Variants in SYNE2 observed in about 807,000 individuals in gnomAD.
SYNE2 encodes the protein nesprin-2.
In SYNE2, 431 loss-of-function variants were observed where a neutral mutation model predicts 856.3. That is an observed-to-expected ratio of 0.50 (90% CI 0.47 to 0.55). The LOEUF is 0.55. Among genes scored for constraint, SYNE2 ranks in the 20% least tolerant of loss-of-function variants. The probability of loss-of-function intolerance (pLI) is 0.00; values close to 1 mark genes in which losing one functional copy is unlikely to be tolerated. For missense variants in SYNE2, 8,129 were observed against 8,023.2 expected, an observed-to-expected ratio of 1.01 and a Z score of -0.50; for synonymous variants, 2,923 against 2,872.3, an observed-to-expected ratio of 1.02 and a Z score of -0.56.
intron 1 of SYNE2, among the ~76,000 whole-genome samples, chr14:63,863,166 A>C (rs534961527): frequency 1.4e-4 from 21 of 152,288 alleles, no homozygotes; most frequent in Middle Eastern, 3.4e-3. Context: ...ATGTTGCCTC[A>C]TTTGGAAAGA....
At chr14:63,995,658 T>A (rs1946493860) in intron 23 of SYNE2, among the ~76,000 whole-genome samples, 1 of 152,202 alleles carries the variant, frequency 6.6e-6, no homozygotes, top group African/African-American at 2.4e-5. Flanking sequence ...TTTTTTCATT[T>A]CTTTTTAAGT....
In SYNE2 at chr14:64,051,633, T is replaced by A. The variant is rs759148677; in HGVS notation, c.7720T>A (p.Leu2574Ile). The A allele has an allele frequency of 2.2e-5, 35 of 1,614,010 alleles. No individual in the cohort carries two copies. The highest frequency in any genetic ancestry group is 1.7e-4 in the Admixed American group (10 of 59,982). The change falls in exon 48 of 116, where the codon TTA (leucine) becomes ATA (isoleucine). Residue 2574 changes from leucine (L) to isoleucine (I), a missense_variant. Transcript: ENST00000555002. ...IASIEKEKDSLGNLKIKWENL... is the reference protein window; with the variant it reads ...IASIEKEKDSIGNLKIKWENL... ...ATCCATAGAAAAAGAGAAAGATTCT[T>A]TAGGCAACTTGAAAATCAAATGGGA...
At chr14:63,911,354 C>T (rs966602819) in intron 2 of SYNE2, among the ~76,000 whole-genome samples, 4 of 152,140 alleles carry the variant, frequency 2.6e-5, no homozygotes, top group South Asian at 2.1e-4. Flanking sequence ...TCTGTTCTCC[C>T]GTAGTATCTC....
intron 87 of SYNE2, among the ~76,000 whole-genome samples, chr14:64,160,851 T>G (rs1028145654): frequency 4.6e-5 from 7 of 152,066 alleles, no homozygotes; most frequent in African/African-American, 9.7e-5. Flanking sequence ...GCCTTTTGAA[T>G]AAAACTGTAT....
intron 1 of SYNE2, among the ~76,000 whole-genome samples, chr14:63,825,534 C>T (rs8013634): frequency 6.6e-6 from 1 of 151,888 alleles, no homozygotes; most frequent in Admixed American, 6.6e-5. Flanking sequence ...AATAGATTTA[C>T]TGAAAGAAGT....
chr14:64,101,694 G>C (rs867238755), intron 63 of SYNE2, among the ~76,000 whole-genome samples: 1 of 152,154 alleles, frequency 6.6e-6, no homozygotes, highest in South Asian at 2.1e-4. Context: ...TGTGACGTGA[G>C]CCGAGCCCCT....
At position 64,125,129 on chromosome 14, in the gene SYNE2, A is replaced by G. The variant is rs886042596; in HGVS notation, c.13473A>G (p.Arg4491=). The G allele has an allele frequency of 6.2e-6, 10 of 1,614,214 alleles. No homozygotes were observed. The highest frequency in any genetic ancestry group is 8.5e-6 in the Non-Finnish European group (10 of 1,180,034). ...CCAGCGTGACTATGTATAACTTTAGATACCCAACAACTGAAGAACTGAAAA... is the reference window on the plus strand; with the variant it reads ...CCAGCGTGACTATGTATAACTTTAGGTACCCAACAACTGAAGAACTGAAAA... ...ILPSVTMYNF[R]YPTTEELKTY... is the part of the protein sequence containing the mutation. Residue 4491 remains arginine (R), a synonymous_variant, in exon 71 of 116, where the codon AGA becomes AGG. Coordinates refer to ENST00000555002, the MANE Select transcript of SYNE2 (RefSeq NM_182914.3).
chr14:63,825,508 G>A (rs1435446665), intron 1 of SYNE2, among the ~76,000 whole-genome samples: 2 of 152,020 alleles, frequency 1.3e-5, no homozygotes, highest in Non-Finnish European at 2.9e-5. Context: ...GCATCAAACA[G>A]AATAAACTAA....
At chr14:63,877,173 A>G (rs2094744254) in intron 1 of SYNE2, among the ~76,000 whole-genome samples, 2 of 152,224 alleles carry the variant, frequency 1.3e-5, no homozygotes, top group Non-Finnish European at 1.5e-5. Context: ...TTCCAGCCCT[A>G]TAAATAGATT....
rs531114109 is a variant in SYNE2, at chr14:64,088,929, C to T, written c.11671-645C>T. On this transcript the variant is annotated intron_variant, in intron 58 of 115. Transcript: ENST00000555002. ...TCTATAATGTTTGATGAAAATTACCCTAAAATACATTGTATAATTCTATAT... is the reference window on the plus strand; with the variant it reads ...TCTATAATGTTTGATGAAAATTACCTTAAAATACATTGTATAATTCTATAT... 8.4e-4 allele frequency among the ~76,000 whole-genome samples: 128 copies of T among 152,284 alleles called. 2 individuals carry two copies. In the South Asian group the frequency reaches 0.023, roughly 27 times the overall value.
intron 1 of SYNE2, among the ~76,000 whole-genome samples, chr14:63,872,080 G>A (rs759788046): frequency 5.0e-4 from 76 of 152,212 alleles, no homozygotes; most frequent in Middle Eastern, 3.4e-3. Context: ...GGGCCCGGCC[G>A]TGTCAAGTTG....
chr14:64,113,640 C>T (rs2097830492), intron 66 of SYNE2, 69 bp downstream of exon 66: 10 of 1,481,354 alleles, frequency 6.8e-6, no homozygotes, highest in African/African-American at 4.2e-5. Context: ...GGGTGAATTT[C>T]TCTTAAAGCA....
chr14:63,791,160 C>T (rs1217987622), intron 1 of SYNE2, among the ~76,000 whole-genome samples: 1 of 152,030 alleles, frequency 6.6e-6, no homozygotes, highest in Admixed American at 6.6e-5. Flanking sequence ...CAGGGTTTCA[C>T]CATGTTGTCC....
At position 63,976,848 on chromosome 14, in the gene SYNE2, A is replaced by G. The variant is rs1016524869; in HGVS notation, c.1293+121A>G. Reference sequence around the variant, plus strand: ...AGTGGATATTTGAGGATGGTTTAGAATGATTCCTCTGGGGATTTTTGGGAC... The same window carrying G: ...AGTGGATATTTGAGGATGGTTTAGAGTGATTCCTCTGGGGATTTTTGGGAC... On this transcript the variant is annotated intron_variant, in intron 12 of 115. Transcript: ENST00000555002. 6.7e-5 allele frequency: 76 copies of G among 1,133,668 alleles called. 1 individual carries two copies. The highest frequency in any genetic ancestry group is 4.1e-5 in the Admixed American group (2 of 48,404). 70.2% of individuals were successfully genotyped at this position (1,133,668 alleles called of 1,614,324 possible).
chr14:64,012,020 A>G (rs2096850273), intron 32 of SYNE2, among the ~76,000 whole-genome samples: 1 of 152,158 alleles, frequency 6.6e-6, no homozygotes, highest in African/African-American at 2.4e-5. Context: ...CTCTGTGGGT[A>G]TGGAGGGATT....
intron 76 of SYNE2, among the ~76,000 whole-genome samples, chr14:64,131,475 G>A (rs1595730435): frequency 6.6e-6 from 1 of 152,228 alleles, no homozygotes; most frequent in Non-Finnish European, 1.5e-5. Context: ...AAGGAGACCT[G>A]TCTTTCGAAT....
intron 34 of SYNE2, among the ~76,000 whole-genome samples, chr14:64,019,777 T>C (rs1413309352): frequency 6.6e-6 from 1 of 152,220 alleles, no homozygotes. Context: ...CTAGCCTTTC[T>C]CTTGTCTTAT....
intron 85 of SYNE2, among the ~76,000 whole-genome samples, chr14:64,154,131 A>T (rs1215521081): frequency 6.6e-6 from 1 of 151,570 alleles, no homozygotes; most frequent in Non-Finnish European, 1.5e-5. Context: ...GGAATTCAAG[A>T]CCAGCCTGGG....
At chr14:64,088,396 A>C (rs1223133836) in intron 58 of SYNE2, among the ~76,000 whole-genome samples, 1 of 152,250 alleles carries the variant, frequency 6.6e-6, no homozygotes, top group Admixed American at 6.5e-5. Flanking sequence ...AAATAAGCTC[A>C]GTGTTTTCTC....
Sources: allele counts gnomAD v4.1 joint callset (sites outside exome capture counted in the v4.1 genomes callset), GRCh38; gene constraint gnomAD v4.1.1; transcripts MANE v1.5; gene names NCBI Gene and HGNC (gene_info 2026-07-23, HGNC 2026-07-21).